Variants in MED6 observed in about 807,000 individuals in gnomAD.
The protein encoded by MED6 is mediator complex subunit 6.
In MED6, 33 loss-of-function variants were observed where a neutral mutation model predicts 37.5. That is an observed-to-expected ratio of 0.88 (90% CI 0.67 to 1.18). The LOEUF (loss-of-function observed/expected upper bound fraction) is 1.18. Ranked by LOEUF, MED6 falls within the 50% of genes most tolerant of loss-of-function variation. The probability of loss-of-function intolerance (pLI) is 0.00; values close to 1 mark genes in which losing one functional copy is unlikely to be tolerated. For missense variants in MED6, 235 were observed against 290.6 expected, an observed-to-expected ratio of 0.81 and a Z score of 1.39; for synonymous variants, 94 against 93.6, an observed-to-expected ratio of 1.00 and a Z score of -0.02.
intron 2 of MED6, among the ~76,000 whole-genome samples, chr14:70,597,417 A>G (rs1885077665): frequency 1.3e-5 from 2 of 152,242 alleles, no homozygotes; most frequent in South Asian, 2.1e-4. Context: ...GTAATTAAAC[A>G]TTATGAAGTT....
At chr14:70,589,004 G>GA (rs879283344) in intron 6 of MED6, among the ~76,000 whole-genome samples, 2 of 151,546 alleles carry the variant, frequency 1.3e-5, no homozygotes, top group East Asian at 1.9e-4. Flanking sequence ...CAGGGGCGGG[G>GA]AAAAAAAAGT....
chr14:70,595,122 C>A, intron 3 of MED6: 1 of 508,334 alleles, frequency 2.0e-6, no homozygotes. Flanking sequence ...AGGTCAATGA[C>A]ACCAGTGTCA....
chr14:70,585,090 T>C (rs1028645929), intron 7 of MED6, 147 bp from the exon 8 acceptor site: 7 of 928,404 alleles, frequency 7.5e-6, no homozygotes, highest in African/African-American at 3.3e-5. Flanking sequence ...GGCAGATGTA[T>C]ACAAGAACCC....
In MED6 at chr14:70,594,511, A is replaced by C; in HGVS notation, c.275-1133T>G. ...AAAAAAGTTAATTGTGGTCATCAGC[A>C]AAGCCTGAGTCCTGTCCTCTCACTC... On this transcript the variant is annotated intron_variant, in intron 3 of 7. Transcript: ENST00000256379. The C allele has an allele frequency of 1.5e-5, 5 of 332,778 alleles. No individual in the cohort carries two copies. The South Asian group carries it at 1.6e-4, about 11-fold the overall frequency. 20.6% of individuals were successfully genotyped at this position (332,778 alleles called of 1,614,324 possible). A position where few individuals can be genotyped will look rare whatever the true frequency, so the allele number is the denominator to read the frequency against.
chr14:70,592,932 T>C lies in MED6; in HGVS notation c.414A>G (p.Arg138=). The C allele has an allele frequency of 6.2e-7, 1 of 1,613,954 alleles. No individual in the cohort carries two copies. Among genetic ancestry groups the C allele is most frequent in the Non-Finnish European group, 8.5e-7 (1 of 1,179,906 alleles). ...SAFDEAMSYC[R]YHPSKGYWWH... The stretch of plus-strand genomic sequence containing the variant: ...ACCAATACCCTTTGGAAGGATGATA[T>C]CGACAGTATGACATAGCTTCATCAA... Residue 138 remains arginine (R), a synonymous_variant, in exon 5 of 8, where the codon CGA becomes CGG. Transcript: ENST00000256379.
At chr14:70,590,052 A>T (rs562893381) in intron 6 of MED6, among the ~76,000 whole-genome samples, 4 of 152,234 alleles carry the variant, frequency 2.6e-5, no homozygotes, top group African/African-American at 7.2e-5. Context: ...AACTACTGAG[A>T]TATTTTACAT....
intron 2 of MED6, 32 bp from the exon 3 acceptor site, chr14:70,596,734 A>AC: frequency 1.4e-6 from 2 of 1,431,948 alleles, no homozygotes; most frequent in Non-Finnish European, 2.0e-6. Context: ...CCAAAGATCT[A>AC]TAAACGCCCT....
chr14:70,596,418 T>C (rs1285099595), intron 3 of MED6, 193 bp downstream of exon 3: 23 of 500,218 alleles, frequency 4.6e-5, no homozygotes, highest in Non-Finnish European at 8.3e-5. Flanking sequence ...CCTTACTGTG[T>C]TGTCATAACA....
chr14:70,586,514 T>C (rs1334372905), intron 6 of MED6, among the ~76,000 whole-genome samples: 2 of 152,192 alleles, frequency 1.3e-5, no homozygotes, highest in Admixed American at 1.3e-4. Context: ...ACCAACTTCC[T>C]TACCATCTAC....
intron 2 of MED6, among the ~76,000 whole-genome samples, chr14:70,597,118 C>T (rs1238654876): frequency 2.0e-5 from 3 of 152,176 alleles, no homozygotes; most frequent in East Asian, 3.8e-4. Flanking sequence ...ACTTTATCCT[C>T]ATCCCAACAA....
At chr14:70,595,731 A>G (rs1885025408) in intron 3 of MED6, 1 of 732,554 alleles carries the variant, frequency 1.4e-6, no homozygotes, top group African/African-American at 1.7e-5. Flanking sequence ...CCTGGACAGC[A>G]GCAACTCCAT....
At chr14:70,599,224 G>A (rs868025883) in intron 1 of MED6, among the ~76,000 whole-genome samples, 2 of 152,130 alleles carry the variant, frequency 1.3e-5, no homozygotes, top group African/African-American at 4.8e-5. Flanking sequence ...TGACTCAACC[G>A]AGAAAAATTA....
In MED6 at chr14:70,597,641, C is replaced by T. The variant is rs774784197; in HGVS notation, c.159G>A (p.Gln53=). The T allele has an allele frequency of 6.6e-7, 1 of 1,519,158 alleles. No homozygotes were observed. The highest frequency in any genetic ancestry group is 8.8e-7 in the Non-Finnish European group (1 of 1,139,756). The allele number at this position is 1,519,158 out of a possible 1,614,324, so 94.1% of individuals were successfully genotyped here. A position where few individuals can be genotyped will look rare whatever the true frequency, so the allele number is the denominator to read the frequency against. The change falls in exon 2 of 8, where the codon CAG becomes CAA. Residue 53 remains glutamine (Q), a synonymous_variant. Transcript: ENST00000256379. ...RTCNNEVVKM[Q]RLTLEHLNQM... ...ACTTCAAGTGTTCTAATGTTAGCCT[C>T]TGCATTTTGACCACTTCATTATTAC... is the stretch of plus-strand genomic sequence containing the variant.
rs1274209112 is a variant in MED6 at position 70,596,651 on chromosome 14, A to G, written c.234T>C (p.Leu78=). The G allele has an allele frequency of 3.1e-6, 5 of 1,613,952 alleles. No individual in the cohort carries two copies. Among genetic ancestry groups the G allele is most frequent in the Middle Eastern group, 3.3e-4 (2 of 6,062 alleles). The change falls in exon 3 of 8, where the codon CTT becomes CTC. Residue 78 remains leucine, a synonymous_variant. Transcript: ENST00000256379. ...GCCGCTGTTGCTTCCGAATGATGAA[A>G]AGAATGGGCTCTTGAGCATGCAAAA... The part of the protein sequence containing the change: ...YILLHAQEPI[L]FIIRKQQRQS...
Position 70,584,698 on chromosome 14 carries a change from C to A in MED6, c.*115G>T. On this transcript the variant is annotated 3_prime_UTR_variant, in exon 8 of 8. Coordinates refer to ENST00000256379, the MANE Select transcript of MED6 (RefSeq NM_005466.4). ...GCCTAATATCCTTTCAAAAAATAAG[C>A]GCATTCCATACAAATAAGAAGGTTA... The A allele has an allele frequency of 1.5e-6, 2 of 1,328,976 alleles. No homozygotes were observed. The highest frequency in any genetic ancestry group is 2.1e-6 in the Non-Finnish European group (2 of 974,894). 82.3% of individuals were successfully genotyped at this position (1,328,976 alleles called of 1,614,324 possible).
rs549750624 is a variant in MED6 at position 70,583,688 on chromosome 14, T to G, written c.*1125A>C. 37 of 159,244 alleles carry G rather than the reference T, an allele frequency of 2.3e-4. No homozygotes were observed. Among genetic ancestry groups the G allele is most frequent in the Non-Finnish European group, 4.0e-4 (29 of 72,984 alleles). The allele number at this position is 159,244 out of a possible 1,614,324, so 9.9% of individuals were successfully genotyped here. On this transcript the variant is annotated 3_prime_UTR_variant, in exon 8 of 8. Transcript: ENST00000256379. ...CAGAAAGAAAACTGAGATACAATCA[T>G]TTACAGAAATTCGGACACTAAAACA...
In MED6 at chr14:70,599,433, C is replaced by T. The variant is rs958704384; in HGVS notation, c.22+1183G>A. Reference sequence around the variant, plus strand: ...TGGTTTTCCTAATTCTACCCTTGCCCTCCTACACTGTTCCCAGCAGCCAAT... The same window carrying T: ...TGGTTTTCCTAATTCTACCCTTGCCTTCCTACACTGTTCCCAGCAGCCAAT... On this transcript the variant is annotated intron_variant, in intron 1 of 7. Transcript: ENST00000256379. 2.6e-5 allele frequency among the ~76,000 whole-genome samples: 4 copies of T among 152,306 alleles called. No individual in the cohort carries two copies. The South Asian group carries it at 6.2e-4, about 24-fold the overall frequency.
chr14:70,586,563 T>C (rs888291410), intron 6 of MED6, among the ~76,000 whole-genome samples: 10 of 152,190 alleles, frequency 6.6e-5, no homozygotes, highest in Non-Finnish European at 1.0e-4. Context: ...TATACACATA[T>C]ATATTTAAAA....
chr14:70,598,674 A>G (rs1885116897), intron 1 of MED6, among the ~76,000 whole-genome samples: 1 of 152,234 alleles, frequency 6.6e-6, no homozygotes. Context: ...AGTATATTAT[A>G]TCTTTAGAGA....
Sources: gnomAD v4.1 joint callset for allele counts (sites outside exome capture counted in the v4.1 genomes callset) on GRCh38, gnomAD v4.1.1 for gene constraint, MANE v1.5 for transcripts, NCBI Gene and HGNC (gene_info 2026-07-23, HGNC 2026-07-21) for gene names.